Variants in SCN7A observed in about 807,000 individuals in gnomAD.
The protein encoded by SCN7A is sodium voltage-gated channel alpha subunit 7, also known as sodium channel protein type 7 subunit alpha.
SCN7A carries 138 observed loss-of-function variants against 155.2 expected under a neutral mutation model. That is an observed-to-expected ratio of 0.89 (90% CI 0.77 to 1.02). The LOEUF is 1.02. Among genes scored for constraint, SCN7A ranks in the 50% least tolerant of loss-of-function variants. SCN7A has a pLI of 0.00. For synonymous variants in SCN7A, 693 were observed against 649.0 expected (o/e 1.07, Z -1.03); for missense variants, 2,058 against 1,986.6 (o/e 1.04, Z -0.68).
chr2:166,473,051 T>C (rs1173722874), intron 5 of SCN7A, among the ~76,000 whole-genome samples: 1 of 151,484 alleles, frequency 6.6e-6, no homozygotes, highest in East Asian at 1.9e-4. Context: ...GAGAGGATCA[T>C]GAAAAAAATA....
intron 15 of SCN7A, among the ~76,000 whole-genome samples, chr2:166,435,329 T>A (rs1169299434): frequency 1.3e-5 from 2 of 152,066 alleles, no homozygotes; most frequent in East Asian, 3.9e-4. Context: ...GAGCAGAAAA[T>A]GCAGAGATTT....
At position 166,494,062 on chromosome 2, in the gene SCN7A, C is replaced by A. The variant is rs1196180452; in HGVS notation, c.-222G>T. The A allele has an allele frequency of 6.6e-6, 1 of 152,528 alleles. No individual in the cohort carries two copies. Among genetic ancestry groups the A allele is most frequent in the Non-Finnish European group, 1.5e-5 (1 of 68,334 alleles). The allele number at this position is 152,528 out of a possible 1,614,324, so 9.4% of individuals were successfully genotyped here. On this transcript the variant is annotated 5_prime_UTR_variant, in exon 1 of 26. Coordinates refer to ENST00000643258, the MANE Select transcript of SCN7A (RefSeq NM_002976.4). ...TTCCTCCTCCTGGGCTTCTCTTTCT[C>A]CACGGATCTCTCGGGTTTTCTGAGC...
At chr2:166,474,912 A>T (rs1400838494) in intron 3 of SCN7A, among the ~76,000 whole-genome samples, 2 of 151,442 alleles carry the variant, frequency 1.3e-5, no homozygotes. Flanking sequence ...ACATTGAGAT[A>T]TTAAAGCATT....
chr2:166,474,540 T>C (rs1031501168), intron 3 of SCN7A, among the ~76,000 whole-genome samples, 196 bp from the exon 4 acceptor site: 2 of 151,792 alleles, frequency 1.3e-5, no homozygotes, highest in Non-Finnish European at 1.5e-5. Flanking sequence ...CTTGCCTATT[T>C]ATCTACCATT....
At chr2:166,441,110 C>A in intron 15 of SCN7A, 1 of 422,324 alleles carries the variant, frequency 2.4e-6, no homozygotes, top group Admixed American at 4.1e-5. Context: ...ATAAGGAGGA[C>A]CTACTATATT....
chr2:166,421,275 C>A lies in SCN7A; in HGVS notation c.3050G>T (p.Gly1017Val). 1 of 1,527,608 alleles carries A rather than the reference C, an allele frequency of 6.5e-7. No homozygotes were observed. 94.6% of individuals were successfully genotyped at this position (1,527,608 alleles called of 1,614,324 possible). ...VVIVFCLSLI[G>V]KTREELKPLI... ...AGGTTTTAGTTCTTCCCGAGTTTTG[C>A]CTATTAAGCTAAGACAAAACACCTA... Residue 1017 changes from glycine (G) to valine (V), a missense_variant, in exon 20 of 26, where the codon GGC (glycine) becomes GTC (valine). Coordinates refer to ENST00000643258, the MANE Select transcript of SCN7A (RefSeq NM_002976.4).
At chr2:166,441,089 T>C (rs1245102161) in intron 15 of SCN7A, 1 of 405,316 alleles carries the variant, frequency 2.5e-6, no homozygotes, top group Non-Finnish European at 4.3e-6. Flanking sequence ...CCACATACAG[T>C]GCAACTGAGC....
At chr2:166,431,119 A>G (rs1200443150) in intron 16 of SCN7A, among the ~76,000 whole-genome samples, 3 of 152,088 alleles carry the variant, frequency 2.0e-5, no homozygotes, top group African/African-American at 7.2e-5. Context: ...ACACTCCAAC[A>G]TGCTGTGCTG....
At chr2:166,426,789 G>A (rs1378850582) in intron 18 of SCN7A, among the ~76,000 whole-genome samples, 1 of 151,984 alleles carries the variant, frequency 6.6e-6, no homozygotes, top group Admixed American at 6.6e-5. Context: ...AGTCACAAAC[G>A]TGCATTCACA....
chr2:166,477,621 C>G lies in SCN7A; in HGVS notation c.76G>C (p.Ala26Pro), dbSNP rs765771062. The G allele has an allele frequency of 1.4e-5, 23 of 1,604,358 alleles. 1 individual carries two copies. Among genetic ancestry groups the G allele is most frequent in the Non-Finnish European group, 1.7e-5 (20 of 1,174,662 alleles). The change falls in exon 3 of 26, where the codon GCT (alanine) becomes CCT (proline). Residue 26 changes from alanine to proline, a missense_variant. Ala to Pro is a conservative substitution (Grantham distance 27). Transcript: ENST00000643258. ...TCATGGTCTTCATTATGTGTTTTAGCAATATGCTGTTTTATAAGTTCAAAA... is the reference window on the plus strand; with the variant it reads ...TCATGGTCTTCATTATGTGTTTTAGGAATATGCTGTTTTATAAGTTCAAAA... ...ESFELIKQHI[A>P]KTHNEDHEEE...
intron 20 of SCN7A, among the ~76,000 whole-genome samples, chr2:166,417,533 C>G (rs1017397506): frequency 2.0e-5 from 3 of 151,782 alleles, no homozygotes; most frequent in Non-Finnish European, 4.4e-5. Context: ...ACTAAAAAAT[C>G]ATTAAATGGC....
intron 18 of SCN7A, among the ~76,000 whole-genome samples, chr2:166,425,319 G>A (rs930352332): frequency 6.6e-6 from 1 of 152,112 alleles, no homozygotes; most frequent in African/African-American, 2.4e-5. Flanking sequence ...TAAGGAAGGA[G>A]AAGGATTGTA....
intron 7 of SCN7A, among the ~76,000 whole-genome samples, chr2:166,469,909 T>G (rs1702616828): frequency 6.6e-6 from 1 of 151,908 alleles, no homozygotes; most frequent in African/African-American, 2.4e-5. Context: ...CCTGTAGGCT[T>G]TGTTTTTGCT....
rs1702299591 is a variant in SCN7A, at chr2:166,457,026, A to T, written c.1134T>A (p.Ser378Arg). Residue 378 changes from serine to arginine, a missense_variant, in exon 11 of 26, where the codon AGT (serine) becomes AGA (arginine). Physicochemically the swap from Ser to Arg is moderately radical, Grantham distance 110. Transcript: ENST00000643258. ...TTGCCATATAAAAGGAAAACAAAAA[A>T]CTTACCACCACAAAAAATATCATGT... Reference protein sequence around the residue: ...KVYMIFFVVVSFLFSFYMASL... With the variant: ...KVYMIFFVVVRFLFSFYMASL... 1 of 1,610,810 alleles carries T rather than the reference A, an allele frequency of 6.2e-7. No individual in the cohort carries two copies. Among genetic ancestry groups the T allele is most frequent in the East Asian group, 2.2e-5 (1 of 44,700 alleles).
At position 166,429,101 on chromosome 2, in the gene SCN7A, G is replaced by A. The variant is rs1304679797; in HGVS notation, c.2698+68C>T. The A allele has an allele frequency of 3.1e-5, 25 of 819,262 alleles. No individual in the cohort carries two copies. In the Middle Eastern group the frequency reaches 1.3e-3, roughly 43 times the overall value. The allele number at this position is 819,262 out of a possible 1,614,324, so 50.7% of individuals were successfully genotyped here. ...TCAATTGACTGACATACTGGATATG[G>A]AACATATACATTTTGACAACTTATA... On this transcript the variant is annotated intron_variant, in intron 17 of 25. Transcript: ENST00000643258.
intron 2 of SCN7A, among the ~76,000 whole-genome samples, chr2:166,486,144 G>C (rs986630134): frequency 6.0e-4 from 91 of 152,186 alleles, no homozygotes; most frequent in African/African-American, 2.0e-3. Context: ...GGGACTCTTC[G>C]GGACCTCTCA....
intron 15 of SCN7A, among the ~76,000 whole-genome samples, chr2:166,437,498 C>T (rs1048931058): frequency 4.6e-5 from 7 of 152,166 alleles, no homozygotes; most frequent in African/African-American, 7.2e-5. Flanking sequence ...ACACAGAGTC[C>T]CCACTGGGGC....
chr2:166,491,267 T>C (rs946350117), intron 1 of SCN7A, among the ~76,000 whole-genome samples: 40 of 152,278 alleles, frequency 2.6e-4, no homozygotes, highest in African/African-American at 9.1e-4. Flanking sequence ...AGCTTCTGCA[T>C]TTCTATCAAG....
Position 166,456,850 on chromosome 2 carries a change from A to G in SCN7A, c.1290+20T>C, listed in dbSNP as rs1202972141. ...TATATAGATAGATAGATAGATAGAT[A>G]GATAGATAGATATAGATACCTCATC... On this transcript the variant is annotated intron_variant, in intron 11 of 25. Coordinates refer to ENST00000643258, the MANE Select transcript of SCN7A (RefSeq NM_002976.4). The G allele has an allele frequency of 8.2e-7, 1 of 1,224,046 alleles. No individual in the cohort carries two copies. The allele number at this position is 1,224,046 out of a possible 1,614,324, so 75.8% of individuals were successfully genotyped here. A position where few individuals can be genotyped will look rare whatever the true frequency, so the allele number is the denominator to read the frequency against.
Sources: gnomAD v4.1 joint callset for allele counts (sites outside exome capture counted in the v4.1 genomes callset) on GRCh38, gnomAD v4.1.1 for gene constraint, MANE v1.5 for transcripts, NCBI Gene and HGNC (gene_info 2026-07-23, HGNC 2026-07-21) for gene names.